EMSY: variants seen among roughly 807,000 people sequenced by gnomAD.
EMSY encodes EMSY transcriptional repressor, BRCA2 interacting, also known as BRCA2-interacting transcriptional repressor EMSY.
In EMSY, 26 loss-of-function variants were observed where a neutral mutation model predicts 134.6. The ratio of observed to expected loss-of-function variants is 0.19; its 90% CI spans 0.14 to 0.27. The LOEUF (loss-of-function observed/expected upper bound fraction) is 0.27, where lower values mean the gene tolerates loss of function less well. Ranked by LOEUF, EMSY falls within the 10% of genes least tolerant of loss-of-function variation. EMSY has a pLI of 1.00. For synonymous variants in EMSY, 579 were observed against 577.8 expected (o/e 1.00, Z -0.03); for missense variants, 1,305 against 1,611.4 (o/e 0.81, Z 3.26).
chr11:76,546,402 G>C, intron 20 of EMSY, 105 bp downstream of exon 21: 4 of 1,407,300 alleles, frequency 2.8e-6, no homozygotes, highest in Non-Finnish European at 3.8e-6. Context: ...AAGACAGCAG[G>C]AAGACATAGA....
intron 2 of EMSY, among the ~76,000 whole-genome samples, chr11:76,448,719 A>C (rs1216716318): frequency 1.3e-5 from 2 of 151,824 alleles, no homozygotes; most frequent in Non-Finnish European, 2.9e-5. Flanking sequence ...CTTCCTCCCC[A>C]CCCGTTGGCT....
At chr11:76,519,537 G>A (rs974338889) in intron 11 of EMSY, among the ~76,000 whole-genome samples, 1 of 152,162 alleles carries the variant, frequency 6.6e-6, no homozygotes, top group Admixed American at 6.5e-5. Flanking sequence ...TGTGACAACA[G>A]CAAAACTTTA....
rs569478275 is a variant in EMSY at position 76,481,629 on chromosome 11, A to G, written c.1108+8789A>G. On this transcript the variant is annotated intron_variant, in intron 8 of 20. Coordinates refer to ENST00000334736, the Ensembl canonical transcript of EMSY. The stretch of plus-strand genomic sequence containing the variant: ...CCCTCAGAGTATAAAGAAAGCCACC[A>G]GGAAGTTCGAACTGGGCGGAGCCCA... Among the ~76,000 whole-genome samples the G allele has an allele frequency of 2.0e-5, 3 of 152,358 alleles. No individual in the cohort carries two copies. The East Asian group carries it at 5.8e-4, about 29-fold the overall frequency.
Position 76,516,075 on chromosome 11 carries a change from A to G in EMSY, c.1514-67A>G. ...GTAGATTATATGGAATTACAGTTAA[A>G]CTGTATTAATTATCATTCTTCTGTA... is the stretch of plus-strand genomic sequence containing the variant. On this transcript the variant is annotated intron_variant, in intron 10 of 20. Coordinates refer to ENST00000334736, the Ensembl canonical transcript of EMSY. 2.2e-6 allele frequency: 3 copies of G among 1,344,664 alleles called. No individual in the cohort carries two copies. In the South Asian group the frequency reaches 4.1e-5, roughly 18 times the overall value. The allele number at this position is 1,344,664 out of a possible 1,614,324, so 83.3% of individuals were successfully genotyped here.
intron 9 of EMSY, among the ~76,000 whole-genome samples, chr11:76,511,561 A>C (rs910453364): frequency 1.3e-5 from 2 of 152,102 alleles, no homozygotes; most frequent in African/African-American, 4.8e-5. Context: ...TTAGCCGGGC[A>C]TGATGACAGG....
rs777778051 is a variant in EMSY at position 76,499,275 on chromosome 11, CTTTTTT to C, written c.1363+2831_1363+2836del. ...TGCATCTGGCCAACCAATCTTATAA[CTTTTTT>C]TTTTTTTTTTTTTTTTTTTTTTTTG... is the stretch of plus-strand genomic sequence containing the variant. On this transcript the variant is annotated intron_variant, in intron 9 of 20. Coordinates refer to ENST00000334736, the Ensembl canonical transcript of EMSY. Among the ~76,000 whole-genome samples, 17 of 70,004 alleles carry C rather than the reference CTTTTTT, an allele frequency of 2.4e-4. No individual in the cohort carries two copies. In the East Asian group the frequency reaches 7.6e-3, roughly 31 times the overall value. The allele number at this position is 70,004 out of a possible 152,430, so 45.9% of individuals were successfully genotyped here.
At chr11:76,507,946 C>A (rs996572437) in intron 9 of EMSY, among the ~76,000 whole-genome samples, 2 of 151,098 alleles carry the variant, frequency 1.3e-5, no homozygotes, top group African/African-American at 4.9e-5. Flanking sequence ...TTCACTGCAG[C>A]CTCAACCTCC....
chr11:76,456,436 A>G (rs1471414665), intron 4 of EMSY, among the ~76,000 whole-genome samples: 1 of 152,204 alleles, frequency 6.6e-6, no homozygotes, highest in Non-Finnish European at 1.5e-5. Context: ...ACAATGTACC[A>G]GGTAAGTGTA....
intron 14 of EMSY, 55 bp downstream of exon 15, chr11:76,528,521 T>G: frequency 7.4e-7 from 1 of 1,360,470 alleles, no homozygotes; most frequent in Non-Finnish European, 1.0e-6. Context: ...AGTGCCCAAA[T>G]TCTAAAATAG....
chr11:76,549,886 AT>A lies in EMSY; in HGVS notation c.3775-64del, dbSNP rs1317590246. 3 of 1,186,698 alleles carry A rather than the reference AT, an allele frequency of 2.5e-6. No individual in the cohort carries two copies. In the East Asian group the frequency reaches 7.9e-5, roughly 31 times the overall value. The allele number at this position is 1,186,698 out of a possible 1,614,324, so 73.5% of individuals were successfully genotyped here. On this transcript the variant is annotated intron_variant, in intron 20 of 20. Transcript: ENST00000334736. ...TTTTCTTTTTTTTTTTTTTCTTGAT[AT>A]TGTTGGGGAAGTTATTCTGCTACCT...
chr11:76,458,551 T>A, intron 5 of EMSY, 193 bp downstream of exon 6: 1 of 511,230 alleles, frequency 2.0e-6, no homozygotes, highest in Non-Finnish European at 3.2e-6. Context: ...CTCCCTTTTG[T>A]CGAAGGTGTG....
chr11:76,472,425 A>G (rs1948610179), intron 7 of EMSY, 139 bp from the exon 9 acceptor site: 1 of 790,170 alleles, frequency 1.3e-6, no homozygotes, highest in Non-Finnish European at 1.9e-6. Context: ...ATTTTAATAT[A>G]TTTTTAGTTG....
At chr11:76,519,046 C>A (rs1169838337) in intron 11 of EMSY, among the ~76,000 whole-genome samples, 1 of 149,752 alleles carries the variant, frequency 6.7e-6, no homozygotes, top group Non-Finnish European at 1.5e-5. Context: ...CCATGACTAT[C>A]TTTGTAGTTG....
chr11:76,455,914 C>T (rs1470333472), intron 4 of EMSY, among the ~76,000 whole-genome samples: 1 of 152,102 alleles, frequency 6.6e-6, no homozygotes, highest in Non-Finnish European at 1.5e-5. Context: ...ATCCTTTCCC[C>T]ATCACTCAGA....
intron 1 of EMSY, 55 bp from the exon 2 acceptor site, chr11:76,446,845 C>A: frequency 8.6e-7 from 1 of 1,166,836 alleles, no homozygotes; most frequent in South Asian, 1.4e-5. Context: ...GTGAGTGGCC[C>A]CTTGAATGTA....
intron 6 of EMSY, among the ~76,000 whole-genome samples, chr11:76,463,616 C>A (rs1212069026): frequency 1.7e-5 from 2 of 116,816 alleles, no homozygotes; most frequent in South Asian, 2.6e-4. Flanking sequence ...GGTGACAGAG[C>A]GAGACTCCGT....
At chr11:76,489,332 T>A (rs1264206952) in intron 8 of EMSY, among the ~76,000 whole-genome samples, 1 of 138,448 alleles carries the variant, frequency 7.2e-6, no homozygotes, top group Admixed American at 7.1e-5. Flanking sequence ...TTTTTTTTTT[T>A]GGTCTACTTG....
intron 10 of EMSY, 73 bp from the exon 12 acceptor site, chr11:76,516,069 A>T: frequency 7.7e-7 from 1 of 1,290,698 alleles, no homozygotes; most frequent in Non-Finnish European, 1.1e-6. Context: ...ATGGAATTAC[A>T]GTTAAACTGT....
chr11:76,527,334 T>TAA (rs200392520), intron 13 of EMSY, among the ~76,000 whole-genome samples: 1 of 149,384 alleles, frequency 6.7e-6, no homozygotes, highest in East Asian at 1.9e-4. Context: ...TTTACGTATC[T>TAA]AAAAAAAAAA....
Sources: allele counts gnomAD v4.1 joint callset (sites outside exome capture counted in the v4.1 genomes callset), GRCh38; gene constraint gnomAD v4.1.1; transcripts MANE v1.5; gene names NCBI Gene and HGNC (gene_info 2026-07-23, HGNC 2026-07-21).